KATNAL2: variants seen among roughly 807,000 people sequenced by gnomAD.
KATNAL2 encodes katanin p60 ATPase-containing subunit A-like 2.
A neutral mutation model predicts 76.3 loss-of-function variants in KATNAL2; 52 were observed. The ratio of observed to expected loss-of-function variants is 0.68; its 90% CI spans 0.55 to 0.86. The LOEUF is 0.86. KATNAL2 is among the 40% of genes least tolerant of loss of function. The pLI is 0.00. For missense variants in KATNAL2, 660 were observed against 668.9 expected, an observed-to-expected ratio of 0.99 and a Z score of 0.15; for synonymous variants, 243 against 244.2, an observed-to-expected ratio of 1.00 and a Z score of 0.05.
intron 3 of KATNAL2, among the ~76,000 whole-genome samples, chr18:46,949,392 A>G (rs2059482488): frequency 6.6e-6 from 1 of 152,106 alleles, no homozygotes; most frequent in Non-Finnish European, 1.5e-5. Context: ...AGCTGGAACC[A>G]CAGGCATGTA....
At chr18:46,919,525 T>C (rs1325535376) in intron 1 of KATNAL2, among the ~76,000 whole-genome samples, 2 of 150,812 alleles carry the variant, frequency 1.3e-5, no homozygotes, top group African/African-American at 4.9e-5. Context: ...GGCACATGCC[T>C]GTAATCCCAG....
At chr18:46,947,933 G>A (rs1432306798) in intron 3 of KATNAL2, among the ~76,000 whole-genome samples, 1 of 152,172 alleles carries the variant, frequency 6.6e-6, no homozygotes, top group South Asian at 2.1e-4. Context: ...TGAACTACCC[G>A]CCTCAGAATC....
intron 3 of KATNAL2, among the ~76,000 whole-genome samples, chr18:46,950,395 G>C (rs933726682): frequency 6.6e-6 from 1 of 152,076 alleles, no homozygotes; most frequent in East Asian, 1.9e-4. Context: ...AGGACTGCAC[G>C]TCCACAAGAC....
At position 47,052,982 on chromosome 18, in the gene KATNAL2, T is replaced by C. The variant is rs1161033390; in HGVS notation, c.225T>C (p.Tyr75=). ...NIDLETILME[Y]ESYYFVKFQK... ...ATCTTGAAACTATTTTGATGGAATA[T>C]GAGAGTTATTATTTTGTAAAATTTC... Residue 75 remains tyrosine (Y), a synonymous_variant, in exon 5 of 18, where the codon TAT becomes TAC. Coordinates refer to ENST00000683218, the MANE Select transcript of KATNAL2 (RefSeq NM_001387690.1). The C allele has an allele frequency of 6.2e-7, 1 of 1,609,756 alleles. No individual in the cohort carries two copies. Among genetic ancestry groups the C allele is most frequent in the Non-Finnish European group, 8.5e-7 (1 of 1,177,906 alleles).
intron 1 of KATNAL2, among the ~76,000 whole-genome samples, chr18:46,931,565 A>G (rs1248017915): frequency 6.6e-6 from 1 of 152,090 alleles, no homozygotes; most frequent in Non-Finnish European, 1.5e-5. Flanking sequence ...AGGCAGGAGA[A>G]TCACTTGAAT....
chr18:46,949,759 G>T (rs1343758764), intron 3 of KATNAL2, among the ~76,000 whole-genome samples: 2 of 152,060 alleles, frequency 1.3e-5, no homozygotes, highest in Non-Finnish European at 2.9e-5. Flanking sequence ...CTTCTATATT[G>T]TATCTTTAAT....
At chr18:46,951,391 A>G (rs969761423) in intron 3 of KATNAL2, among the ~76,000 whole-genome samples, 2 of 144,824 alleles carry the variant, frequency 1.4e-5, no homozygotes, top group African/African-American at 5.1e-5. Context: ...GAAGCTAATC[A>G]GGTAATTTCT....
intron 4 of KATNAL2, among the ~76,000 whole-genome samples, chr18:47,046,851 C>T (rs1189564880): frequency 6.6e-6 from 1 of 152,106 alleles, no homozygotes; most frequent in African/African-American, 2.4e-5. Flanking sequence ...CATGTATTTG[C>T]CAATATGGTA....
intron 1 of KATNAL2, among the ~76,000 whole-genome samples, chr18:46,928,109 T>C (rs1287153771): frequency 6.6e-6 from 1 of 152,246 alleles, no homozygotes; most frequent in African/African-American, 2.4e-5. Context: ...TCCATCCAGC[T>C]TTGTTCCGTT....
At position 47,046,513 on chromosome 18, in the gene KATNAL2, T is replaced by A; in HGVS notation, c.108T>A (p.Tyr36Ter). ...RKNLLILISH[Y>*]LTQEGYIDTA... The stretch of plus-strand genomic sequence containing the variant: ...ATCTTCTCATTTTGATTTCGCATTA[T>A]TTAACACAAGAAGGGTATGTTACAG... Residue 36 changes from tyrosine to a stop codon, truncating the protein, a stop_gained, in exon 4 of 18, where the codon TAT becomes TAA. Coordinates refer to ENST00000683218, the MANE Select transcript of KATNAL2 (RefSeq NM_001387690.1). LOFTEE classifies it high-confidence loss of function. The A allele has an allele frequency of 2.0e-6, 3 of 1,534,986 alleles. No individual in the cohort carries two copies. The highest frequency in any genetic ancestry group is 1.7e-6 in the Non-Finnish European group (2 of 1,145,866).
At chr18:47,056,654 T>C (rs917862534) in intron 6 of KATNAL2, among the ~76,000 whole-genome samples, 5 of 152,216 alleles carry the variant, frequency 3.3e-5, no homozygotes, top group African/African-American at 1.2e-4. Context: ...TTAAAATAAA[T>C]TGCATTGCTT....
intron 1 of KATNAL2, among the ~76,000 whole-genome samples, chr18:46,926,684 G>A (rs2058738340): frequency 6.6e-6 from 1 of 152,124 alleles, no homozygotes. Context: ...TGACAGTGGG[G>A]TGTGAAAGTC....
chr18:47,088,541 T>A (rs1244845787), intron 15 of KATNAL2, among the ~76,000 whole-genome samples: 4 of 152,150 alleles, frequency 2.6e-5, no homozygotes, highest in Non-Finnish European at 5.9e-5. Context: ...TTTATAATGG[T>A]TTATTATGTG....
chr18:47,039,908 C>G (rs2060906037), intron 3 of KATNAL2, among the ~76,000 whole-genome samples: 1 of 152,184 alleles, frequency 6.6e-6, no homozygotes, highest in Non-Finnish European at 1.5e-5. Flanking sequence ...GTGTTAGAAC[C>G]TCTAATATGG....
intron 10 of KATNAL2, among the ~76,000 whole-genome samples, chr18:47,064,542 C>T (rs987429097): frequency 6.6e-6 from 1 of 152,040 alleles, no homozygotes; most frequent in Non-Finnish European, 1.5e-5. Flanking sequence ...TTGTGGATGG[C>T]TTGTTCTATG....
intron 3 of KATNAL2, among the ~76,000 whole-genome samples, chr18:46,961,989 A>G (rs889148838): frequency 6.6e-6 from 1 of 152,232 alleles, no homozygotes; most frequent in African/African-American, 2.4e-5. Context: ...AGTTATCTTC[A>G]GGCATTAACA....
At chr18:47,049,870 A>C (rs1240426276) in intron 4 of KATNAL2, among the ~76,000 whole-genome samples, 2 of 152,132 alleles carry the variant, frequency 1.3e-5, no homozygotes, top group African/African-American at 2.4e-5. Context: ...GTATGCCACG[A>C]CACTGTTTGT....
At chr18:47,050,529 C>T (rs1464631668) in intron 4 of KATNAL2, among the ~76,000 whole-genome samples, 1 of 152,026 alleles carries the variant, frequency 6.6e-6, no homozygotes, top group Admixed American at 6.5e-5. Flanking sequence ...TTGTTAAGGC[C>T]AAGTAGTTTG....
intron 3 of KATNAL2, among the ~76,000 whole-genome samples, chr18:46,956,611 C>A (rs911835729): frequency 1.3e-5 from 2 of 152,144 alleles, no homozygotes; most frequent in Non-Finnish European, 2.9e-5. Flanking sequence ...TGCTTTCTTC[C>A]CCCCATCCCA....
Sources: gnomAD v4.1 joint callset for allele counts (sites outside exome capture counted in the v4.1 genomes callset) on GRCh38, gnomAD v4.1.1 for gene constraint, MANE v1.5 for transcripts, NCBI Gene and HGNC (gene_info 2026-07-23, HGNC 2026-07-21) for gene names.